Variants in PTPRB observed in about 807,000 individuals in gnomAD.
The protein encoded by PTPRB is receptor-type tyrosine-protein phosphatase beta.
A neutral mutation model predicts 238.1 loss-of-function variants in PTPRB; 97 were observed. The observed-to-expected ratio is 0.41, with a 90% CI of 0.35 to 0.48. The LOEUF (loss-of-function observed/expected upper bound fraction) is 0.48. Among genes scored for constraint, PTPRB ranks in the 20% least tolerant of loss-of-function variants. The pLI is 0.30. For synonymous variants in PTPRB, 970 were observed against 995.4 expected (o/e 0.97, Z 0.48); for missense variants, 2,292 against 2,681.9 (o/e 0.85, Z 3.21).
intron 27 of PTPRB, 99 bp from the exon 28 acceptor site, chr12:70,538,330 G>A (rs1169427556): frequency 2.1e-6 from 2 of 941,226 alleles, no homozygotes; most frequent in South Asian, 1.7e-5. Flanking sequence ...AACAGCCACA[G>A]ATGGGAAGTG....
Position 70,607,897 on chromosome 12 carries a change from A to G in PTPRB, c.979+1172T>C, listed in dbSNP as rs73146072. ...ACAAGCGATTTCTCTTTTCAACTTA[A>G]GATGCTGCAAATCTCAGATATCATC... is the stretch of plus-strand genomic sequence containing the variant. On this transcript the variant is annotated intron_variant, in intron 4 of 33. Transcript: ENST00000334414. Among the ~76,000 whole-genome samples the G allele has an allele frequency of 5.5e-4, 83 of 152,266 alleles. 1 individual carries two copies. The highest frequency in any genetic ancestry group is 1.0e-3 in the Non-Finnish European group (71 of 68,018).
intron 2 of PTPRB, among the ~76,000 whole-genome samples, chr12:70,632,562 G>T (rs1345728707): frequency 6.7e-6 from 1 of 149,448 alleles, no homozygotes; most frequent in African/African-American, 2.5e-5. Context: ...ATGCACCCTA[G>T]AACTTAAAGT....
At chr12:70,609,926 A>AGC (rs1884318539) in intron 3 of PTPRB, 2 of 992,726 alleles carry the variant, frequency 2.0e-6, no homozygotes, top group Non-Finnish European at 2.7e-6. Flanking sequence ...CCGTGGGCGC[A>AGC]GCGCGCTTCC....
intron 21 of PTPRB, among the ~76,000 whole-genome samples, chr12:70,552,021 G>A (rs958197231): frequency 2.6e-5 from 4 of 152,054 alleles, no homozygotes; most frequent in Non-Finnish European, 4.4e-5. Context: ...AGCAAAGAGC[G>A]CTTCCATCTT....
At chr12:70,533,164 G>C (rs1050732740) in intron 31 of PTPRB, among the ~76,000 whole-genome samples, 3 of 152,116 alleles carry the variant, frequency 2.0e-5, no homozygotes, top group Admixed American at 2.0e-4. Flanking sequence ...CCCCAAAATG[G>C]TTGTGTCATC....
chr12:70,595,216 C>CAA (rs1882888354), intron 5 of PTPRB, among the ~76,000 whole-genome samples: 1 of 151,986 alleles, frequency 6.6e-6, no homozygotes, highest in African/African-American at 2.4e-5. Context: ...CCAAACACTG[C>CAA]ATGTTCTCAC....
chr12:70,553,241 C>A (rs1877167591), intron 20 of PTPRB, among the ~76,000 whole-genome samples: 1 of 152,124 alleles, frequency 6.6e-6, no homozygotes, highest in Non-Finnish European at 1.5e-5. Context: ...ATAAAATACA[C>A]ACACACACAG....
chr12:70,579,931 T>C (rs1002127650), intron 10 of PTPRB, among the ~76,000 whole-genome samples: 2 of 152,090 alleles, frequency 1.3e-5, no homozygotes, highest in Admixed American at 1.3e-4. Context: ...AAACAGAATT[T>C]GAGTGTTGAG....
chr12:70,600,846 C>A (rs1468553198), intron 4 of PTPRB, among the ~76,000 whole-genome samples: 1 of 152,026 alleles, frequency 6.6e-6, no homozygotes, highest in Non-Finnish European at 1.5e-5. Flanking sequence ...CAGGTGCACA[C>A]CACCATGCCC....
intron 6 of PTPRB, among the ~76,000 whole-genome samples, chr12:70,593,963 A>G (rs1160596708): frequency 1.3e-5 from 2 of 152,236 alleles, no homozygotes; most frequent in African/African-American, 2.4e-5. Flanking sequence ...AAGTTTGTAT[A>G]AATTACTCAT....
At chr12:70,563,176 GAGGGA>G in intron 15 of PTPRB, 69 bp from the exon 16 acceptor site, 2 of 1,422,516 alleles carry the variant, frequency 1.4e-6, no homozygotes, top group Admixed American at 2.1e-5. Flanking sequence ...AGGTGGGGAA[GAGGGA>G]AAAGCAAACA....
chr12:70,523,658 C>T (rs1156375495), intron 33 of PTPRB, among the ~76,000 whole-genome samples: 1 of 152,118 alleles, frequency 6.6e-6, no homozygotes, highest in African/African-American at 2.4e-5. Context: ...TGCTCAGCTG[C>T]AGGAACCCCC....
At chr12:70,634,696 G>A (rs1448844345) in intron 2 of PTPRB, among the ~76,000 whole-genome samples, 1 of 152,190 alleles carries the variant, frequency 6.6e-6, no homozygotes, top group African/African-American at 2.4e-5. Flanking sequence ...ATAGTAAAAT[G>A]TACACTGAAC....
At position 70,635,749 on chromosome 12, in the gene PTPRB, T is replaced by G; in HGVS notation, c.373A>C (p.Lys125Gln). The change falls in exon 2 of 34, where the codon AAA becomes CAA. Residue 125 changes from lysine to glutamine, a missense_variant. Around this residue, in one of 4 missense-constraint regions of PTPRB, gnomAD observed 1,205 missense variants for 1,287.8 expected, o/e 0.94. Coordinates refer to ENST00000334414, the MANE Select transcript of PTPRB (RefSeq NM_001109754.4). ...GSRVVVKKAR[K>Q]YLHSWMKIDV... ...ATTTTCATCCAGCTATGGAGGTATTTCCTGGCCTTCTTGACCACTACTCTG... is the reference window on the plus strand; with the variant it reads ...ATTTTCATCCAGCTATGGAGGTATTGCCTGGCCTTCTTGACCACTACTCTG... 6.2e-7 allele frequency: 1 copy of G among 1,613,962 alleles called. No homozygotes were observed. Among genetic ancestry groups the G allele is most frequent in the Non-Finnish European group, 8.5e-7 (1 of 1,179,878 alleles).
rs574345655 is a variant in PTPRB at position 70,623,710 on chromosome 12, G to A, written c.452-1064C>T. ...AGAGTTTCTGGCTAAAAGACTGGGA[G>A]AGCGAGGATTTTATTTTTAACTACT... On this transcript the variant is annotated intron_variant, in intron 2 of 33. Coordinates refer to ENST00000334414, the MANE Select transcript of PTPRB (RefSeq NM_001109754.4). Among the ~76,000 whole-genome samples the A allele has an allele frequency of 3.9e-4, 59 of 152,274 alleles. 3 individuals are homozygous for A. The South Asian group carries it at 0.012, about 31-fold the overall frequency.
intron 28 of PTPRB, among the ~76,000 whole-genome samples, chr12:70,536,713 T>A (rs920963055): frequency 6.6e-6 from 1 of 152,160 alleles, no homozygotes; most frequent in Non-Finnish European, 1.5e-5. Flanking sequence ...TGACAGCAAT[T>A]CCTTGTCAAT....
intron 2 of PTPRB, among the ~76,000 whole-genome samples, chr12:70,634,917 G>T (rs1252850677): frequency 6.6e-6 from 1 of 152,156 alleles, no homozygotes; most frequent in South Asian, 2.1e-4. Flanking sequence ...TAATAGAAGA[G>T]TAAATACACA....
At chr12:70,533,909 C>CT (rs1351308548) in intron 31 of PTPRB, among the ~76,000 whole-genome samples, 4 of 152,190 alleles carry the variant, frequency 2.6e-5, no homozygotes, top group Admixed American at 2.0e-4. Flanking sequence ...AGCCTCTAGA[C>CT]TATGACAGAT....
intron 20 of PTPRB, among the ~76,000 whole-genome samples, chr12:70,554,275 A>T (rs997475068): frequency 6.6e-6 from 1 of 152,226 alleles, no homozygotes; most frequent in Non-Finnish European, 1.5e-5. Flanking sequence ...TTACCCACAA[A>T]TGGGTCAAAA....
Sources: allele counts gnomAD v4.1 joint callset (sites outside exome capture counted in the v4.1 genomes callset), GRCh38; gene constraint gnomAD v4.1.1; regional missense constraint gnomAD v4.1.1; transcripts MANE v1.5; gene names NCBI Gene and HGNC (gene_info 2026-07-23, HGNC 2026-07-21).